The following CNPY1 variants were observed in gnomAD, a reference collection of about 807,000 sequenced individuals.
CNPY1 encodes protein canopy homolog 1.
CNPY1 carries 14 observed loss-of-function variants against 14.4 expected under a neutral mutation model. The observed-to-expected ratio is 0.97, with a 90% CI of 0.64 to 1.52. The LOEUF (loss-of-function observed/expected upper bound fraction) is 1.52. CNPY1 is among the 40% of genes most tolerant of loss of function. CNPY1 has a pLI of 0.00. For missense variants in CNPY1, 129 were observed against 131.5 expected, an observed-to-expected ratio of 0.98 and a Z score of 0.09; for synonymous variants, 43 against 46.5, an observed-to-expected ratio of 0.92 and a Z score of 0.31.
Position 155,502,786 on chromosome 7 carries a change from C to T in CNPY1, c.*282G>A, listed in dbSNP as rs1796159718. On this transcript the variant is annotated 3_prime_UTR_variant, in exon 5 of 5. Transcript: ENST00000636446. ...TTTATGAAATGTCTTCGCTTTTTTC[C>T]TCAATACAGAATTAAATCCTCTATT... 2.3e-6 allele frequency: 1 copy of T among 427,366 alleles called. No individual in the cohort carries two copies. The highest frequency in any genetic ancestry group is 4.2e-6 in the Non-Finnish European group (1 of 240,110). The allele number at this position is 427,366 out of a possible 1,614,324, so 26.5% of individuals were successfully genotyped here. A position where few individuals can be genotyped will look rare whatever the true frequency, so the allele number is the denominator to read the frequency against.
In CNPY1 at chr7:155,509,625, TC is replaced by T. The variant is rs1796464232; in HGVS notation, c.100-529del. On this transcript the variant is annotated intron_variant, in intron 2 of 4. Transcript: ENST00000636446. The stretch of plus-strand genomic sequence containing the variant: ...GTTGGGGAGGCCCAAAGTCTGGCCC[TC>T]CCCGGGGCTGCCCTTGGCTGCGCGT... 2.6e-5 allele frequency among the ~76,000 whole-genome samples: 4 copies of T among 152,190 alleles called. No individual in the cohort carries two copies. The South Asian group carries it at 8.3e-4, about 32-fold the overall frequency.
intron 2 of CNPY1, among the ~76,000 whole-genome samples, chr7:155,537,255 C>A (rs1282926773): frequency 2.0e-5 from 3 of 152,106 alleles, no homozygotes; most frequent in African/African-American, 7.2e-5. Flanking sequence ...CCCTTCCAGC[C>A]TCTCCTTCCG....
At chr7:155,527,373 A>G (rs1796845201) in intron 2 of CNPY1, among the ~76,000 whole-genome samples, 1 of 150,278 alleles carries the variant, frequency 6.7e-6, no homozygotes, top group Non-Finnish European at 1.5e-5. Flanking sequence ...CGGGAGGTAG[A>G]CATGCGTCTT....
chr7:155,529,043 A>G (rs1253600904), intron 2 of CNPY1, among the ~76,000 whole-genome samples: 8 of 146,278 alleles, frequency 5.5e-5, no homozygotes, highest in Admixed American at 4.1e-4. Flanking sequence ...CCTGGGTGAC[A>G]GAGCGAGACT....
chr7:155,525,658 C>A (rs1161338699), intron 2 of CNPY1, among the ~76,000 whole-genome samples: 1 of 152,212 alleles, frequency 6.6e-6, no homozygotes, highest in Non-Finnish European at 1.5e-5. Context: ...TAGTGTACTG[C>A]AAAGCTACTG....
intron 2 of CNPY1, among the ~76,000 whole-genome samples, chr7:155,526,412 A>G (rs1345285600): frequency 1.3e-5 from 2 of 152,216 alleles, no homozygotes; most frequent in Non-Finnish European, 2.9e-5. Flanking sequence ...GGGGTGCCCA[A>G]TGCCTTCGTG....
At chr7:155,518,957 A>G (rs1563090396) in intron 2 of CNPY1, among the ~76,000 whole-genome samples, 1 of 152,222 alleles carries the variant, frequency 6.6e-6, no homozygotes, top group Non-Finnish European at 1.5e-5. Context: ...CTAGAGCCAA[A>G]TCCAATTCCA....
rs2116684741 is a variant in CNPY1 at position 155,509,180 on chromosome 7, CCA to C, written c.100-85_100-84del. 4 of 711,536 alleles carry C rather than the reference CCA, an allele frequency of 5.6e-6. 1 individual carries two copies. In the East Asian group the frequency reaches 1.1e-4, roughly 20 times the overall value. The allele number at this position is 711,536 out of a possible 1,614,324, so 44.1% of individuals were successfully genotyped here. ...CTTCCGGCGAGTCCACATGGAAACG[CCA>C]CACTCTCCCTGAATGCAAACGTGTG... is the stretch of plus-strand genomic sequence containing the variant. On this transcript the variant is annotated intron_variant, in intron 2 of 4. Transcript: ENST00000636446.
At position 155,534,443 on chromosome 7, in the gene CNPY1, GCACA is replaced by G. The variant is rs1299698502; in HGVS notation, c.99+11384_99+11387del. Among the ~76,000 whole-genome samples the G allele has an allele frequency of 3.9e-5, 6 of 152,310 alleles. No individual in the cohort carries two copies. The East Asian group carries it at 1.2e-3, about 29-fold the overall frequency. ...CAAATGCACATGTGCACTTGCATGT[GCACA>G]CACAGACACACACACACTCGATGCG... On this transcript the variant is annotated intron_variant, in intron 2 of 4. Transcript: ENST00000636446.
At position 155,508,886 on chromosome 7, in the gene CNPY1, G is replaced by A; in HGVS notation, c.303+8C>T. ...TCATACGATTCATCTGCAAGGAAGA[G>A]AGCTTACCGCAAATTTCAAAGGTCT... On this transcript the variant is annotated splice_region_variant and intron_variant, in intron 3 of 4. Transcript: ENST00000636446. The A allele has an allele frequency of 6.2e-7, 1 of 1,612,902 alleles. No homozygotes were observed. The highest frequency in any genetic ancestry group is 8.5e-7 in the Non-Finnish European group (1 of 1,179,744).
At chr7:155,540,737 G>A (rs1017348466) in intron 2 of CNPY1, among the ~76,000 whole-genome samples, 1 of 152,216 alleles carries the variant, frequency 6.6e-6, no homozygotes, top group Non-Finnish European at 1.5e-5. Flanking sequence ...TGGTCATCCT[G>A]TATCCAGTGA....
At chr7:155,535,139 A>G (rs1194180023) in intron 2 of CNPY1, among the ~76,000 whole-genome samples, 2 of 152,236 alleles carry the variant, frequency 1.3e-5, no homozygotes, top group Non-Finnish European at 1.5e-5. Flanking sequence ...ACACTCCTGC[A>G]TCCCCAATTC....
intron 2 of CNPY1, among the ~76,000 whole-genome samples, chr7:155,530,148 C>T (rs1023909897): frequency 6.6e-6 from 1 of 152,090 alleles, no homozygotes; most frequent in Non-Finnish European, 1.5e-5. Flanking sequence ...ACTGCTTCAC[C>T]GGATTTGGGG....
At chr7:155,524,638 A>G (rs6459714) in intron 2 of CNPY1, among the ~76,000 whole-genome samples, 137,787 of 152,266 alleles carry the variant, frequency 0.9, 62,434 homozygotes, top group East Asian at 0.98. Flanking sequence ...GGACCAACTA[A>G]TTGTAGGAAA....
intron 2 of CNPY1, among the ~76,000 whole-genome samples, chr7:155,509,522 G>A (rs1362430893): frequency 1.3e-5 from 2 of 151,916 alleles, no homozygotes; most frequent in Non-Finnish European, 2.9e-5. Flanking sequence ...AGGAGGGAGA[G>A]ACAGAGAGAG....
intron 2 of CNPY1, among the ~76,000 whole-genome samples, chr7:155,528,215 A>G (rs149218055): frequency 6.6e-6 from 1 of 152,376 alleles, no homozygotes; most frequent in East Asian, 1.9e-4. Context: ...AACAATGGGC[A>G]GGAGAATAAG....
chr7:155,502,951 G>C lies in CNPY1; in HGVS notation c.*117C>G. On this transcript the variant is annotated 3_prime_UTR_variant, in exon 5 of 5. Coordinates refer to ENST00000636446, the MANE Select transcript of CNPY1 (RefSeq NM_001393663.1). Reference sequence around the variant, plus strand: ...ATGAATCATAAACGGAGACAAACACGGTATAAACAAGAGACAAAATTTTTC... The same window carrying C: ...ATGAATCATAAACGGAGACAAACACCGTATAAACAAGAGACAAAATTTTTC... 1 of 816,836 alleles carries C rather than the reference G, an allele frequency of 1.2e-6. No individual in the cohort carries two copies. Among genetic ancestry groups the C allele is most frequent in the Non-Finnish European group, 2.0e-6 (1 of 512,814 alleles). The allele number at this position is 816,836 out of a possible 1,614,324, so 50.6% of individuals were successfully genotyped here. A position where few individuals can be genotyped will look rare whatever the true frequency, so the allele number is the denominator to read the frequency against.
intron 2 of CNPY1, among the ~76,000 whole-genome samples, chr7:155,538,831 T>A (rs1374771039): frequency 6.6e-6 from 1 of 152,076 alleles, no homozygotes; most frequent in East Asian, 1.9e-4. Flanking sequence ...CACCCTTCAC[T>A]CTCTGAGACG....
At chr7:155,546,165 A>G (rs1585341268) in intron 1 of CNPY1, among the ~76,000 whole-genome samples, 1 of 150,770 alleles carries the variant, frequency 6.6e-6, no homozygotes, top group African/African-American at 2.4e-5. Flanking sequence ...AAAACCATAT[A>G]CAATTTACTT....
Sources: allele counts gnomAD v4.1 joint callset (sites outside exome capture counted in the v4.1 genomes callset), GRCh38; gene constraint gnomAD v4.1.1; transcripts MANE v1.5; gene names NCBI Gene and HGNC (gene_info 2026-07-23, HGNC 2026-07-21).